Variants in SLC47A2 observed in about 807,000 individuals in gnomAD.
The protein encoded by SLC47A2 is multidrug and toxin extrusion protein 2.
Under a neutral mutation model 67.7 loss-of-function variants are expected in SLC47A2, and 52 were observed. The ratio of observed to expected loss-of-function variants is 0.77; its 90% CI spans 0.61 to 0.97. The LOEUF (loss-of-function observed/expected upper bound fraction) is 0.97. Ranked by LOEUF, SLC47A2 falls within the 50% of genes least tolerant of loss-of-function variation. SLC47A2 has a pLI of 0.00. For synonymous variants in SLC47A2, 278 were observed against 292.9 expected (o/e 0.95, Z 0.52); for missense variants, 676 against 712.3 (o/e 0.95, Z 0.58).
intron 13 of SLC47A2, among the ~76,000 whole-genome samples, chr17:19,699,073 A>G (rs2085729378): frequency 2.0e-5 from 3 of 152,290 alleles, no homozygotes; most frequent in African/African-American, 2.4e-5. Context: ...GAATGATTCT[A>G]TTGGTGAAAG....
In SLC47A2 at chr17:19,708,199, C is replaced by T. The variant is rs553177390; in HGVS notation, c.629+103G>A. The T allele has an allele frequency of 1.3e-4, 174 of 1,330,438 alleles. 1 individual carries two copies. The South Asian group carries it at 1.5e-3, about 12-fold the overall frequency. The allele number at this position is 1,330,438 out of a possible 1,614,324, so 82.4% of individuals were successfully genotyped here. On this transcript the variant is annotated intron_variant, in intron 7 of 16. Coordinates refer to ENST00000433844, the MANE Select transcript of SLC47A2 (RefSeq NM_001099646.3). ...CTCCCCATAACCCTCCACTTCAGGA[C>T]GGCACAGGCAGGGCCAGGATGGTGA...
intron 11 of SLC47A2, among the ~76,000 whole-genome samples, chr17:19,703,783 G>A (rs1025401148): frequency 5.3e-5 from 8 of 152,230 alleles, no homozygotes; most frequent in Admixed American, 4.6e-4. Flanking sequence ...TAAGGTAAGT[G>A]GTAGAAGCCA....
At chr17:19,714,489 G>C (rs1416270326) in intron 3 of SLC47A2, 2 of 597,004 alleles carry the variant, frequency 3.4e-6, no homozygotes, top group African/African-American at 3.7e-5. Flanking sequence ...AGAGATCAGA[G>C]AACTGTCTCC....
At position 19,702,499 on chromosome 17, in the gene SLC47A2, T is replaced by C. The variant is rs943617189; in HGVS notation, c.1164+106A>G. On this transcript the variant is annotated intron_variant, in intron 13 of 16. Coordinates refer to ENST00000433844, the MANE Select transcript of SLC47A2 (RefSeq NM_001099646.3). ...CACTTACTATACAGTTAGCCCTTCA[T>C]GTGTATTAACAAGTTCATCCTCACA... is the stretch of plus-strand genomic sequence containing the variant. 16 of 1,546,110 alleles carry C rather than the reference T, an allele frequency of 1.0e-5. No individual in the cohort carries two copies. The African/African-American group carries it at 2.0e-4, about 20-fold the overall frequency.
Position 19,708,282 on chromosome 17 carries a change from C to G in SLC47A2, c.629+20G>C. 5.0e-6 allele frequency: 8 copies of G among 1,611,676 alleles called. No individual in the cohort carries two copies. Among genetic ancestry groups the G allele is most frequent in the Non-Finnish European group, 6.8e-6 (8 of 1,179,828 alleles). ...GTGGGCAGTGTCCCCTGACCAGGCC[C>G]CACCAGCCCCCGGGCTCACCTGACC... On this transcript the variant is annotated intron_variant, in intron 7 of 16. Transcript: ENST00000433844.
chr17:19,680,145 C>G, intron 15 of SLC47A2, 106 bp from the exon 16 acceptor site: 1 of 1,039,654 alleles, frequency 9.6e-7, no homozygotes. Flanking sequence ...GCTGAAGCAG[C>G]ATATATGCAT....
At chr17:19,690,201 G>A (rs866014037) in intron 13 of SLC47A2, among the ~76,000 whole-genome samples, 12 of 152,090 alleles carry the variant, frequency 7.9e-5, no homozygotes, top group African/African-American at 2.9e-4. Flanking sequence ...ATAATGCCAG[G>A]AAAACTGGAT....
chr17:19,692,614 G>T (rs940431426), intron 13 of SLC47A2, among the ~76,000 whole-genome samples: 3 of 152,138 alleles, frequency 2.0e-5, no homozygotes, highest in African/African-American at 7.2e-5. Context: ...ATTTAAACAA[G>T]AAATAATGTC....
At chr17:19,690,542 C>T (rs1325879055) in intron 13 of SLC47A2, among the ~76,000 whole-genome samples, 1 of 151,856 alleles carries the variant, frequency 6.6e-6, no homozygotes, top group Non-Finnish European at 1.5e-5. Context: ...AGATTAATAA[C>T]CAGAATATAT....
intron 5 of SLC47A2, among the ~76,000 whole-genome samples, chr17:19,711,543 C>G (rs1172892773): frequency 8.3e-6 from 1 of 120,446 alleles, no homozygotes; most frequent in Non-Finnish European, 1.6e-5. Context: ...GAGCGGAGAT[C>G]GTACCACTGC....
rs1395881308 is a variant in SLC47A2 at position 19,702,683 on chromosome 17, G to GA, written c.1095-10dup. 2 of 1,613,620 alleles carry GA rather than the reference G, an allele frequency of 1.2e-6. No individual in the cohort carries two copies. Among genetic ancestry groups the GA allele is most frequent in the African/African-American group, 2.7e-5 (2 of 74,914 alleles). On this transcript the variant is annotated splice_polypyrimidine_tract_variant and intron_variant, in intron 12 of 16. Coordinates refer to ENST00000433844, the MANE Select transcript of SLC47A2 (RefSeq NM_001099646.3). ...CCAGGGCAATGACATCTCTGCAGAAGAAATGAGAAAGCATTAAGACACAGA... is the reference window on the plus strand; with the variant it reads ...CCAGGGCAATGACATCTCTGCAGAAGAAAATGAGAAAGCATTAAGACACAGA...
chr17:19,701,167 C>CA (rs35086555), intron 13 of SLC47A2, among the ~76,000 whole-genome samples: 8,340 of 64,358 alleles, frequency 0.13, 551 homozygotes, highest in African/African-American at 0.23. Context: ...GACTCTGTCT[C>CA]AAAAAAAAAA....
intron 13 of SLC47A2, among the ~76,000 whole-genome samples, chr17:19,684,411 T>C (rs556084180): frequency 2.0e-4 from 31 of 152,290 alleles, no homozygotes; most frequent in African/African-American, 7.5e-4. Context: ...ATTTATTAGA[T>C]GCAACTAAGG....
intron 13 of SLC47A2, among the ~76,000 whole-genome samples, chr17:19,693,162 G>C (rs1232582385): frequency 6.6e-6 from 1 of 151,928 alleles, no homozygotes; most frequent in Non-Finnish European, 1.5e-5. Flanking sequence ...GAAATGCAAG[G>C]TATAACACCT....
intron 8 of SLC47A2, 121 bp downstream of exon 8, chr17:19,707,625 G>T: frequency 2.5e-6 from 2 of 788,858 alleles, no homozygotes; most frequent in East Asian, 2.7e-5. Context: ...GGCCGTGCAG[G>T]GTCCTGCACC....
intron 13 of SLC47A2, among the ~76,000 whole-genome samples, chr17:19,690,381 T>A (rs958391545): frequency 6.6e-6 from 1 of 152,036 alleles, no homozygotes; most frequent in African/African-American, 2.4e-5. Context: ...TCTTGAATAA[T>A]ACCCCCAAAG....
intron 13 of SLC47A2, among the ~76,000 whole-genome samples, chr17:19,696,013 T>C (rs2085654948): frequency 6.6e-6 from 1 of 151,482 alleles, no homozygotes; most frequent in African/African-American, 2.4e-5. Flanking sequence ...TGTGAGCCAC[T>C]GTGTCTGGCC....
intron 10 of SLC47A2, chr17:19,704,714 G>A: frequency 1.3e-6 from 2 of 1,548,576 alleles, no homozygotes; most frequent in Non-Finnish European, 1.7e-6. Context: ...GTAGAGGGGA[G>A]GTGGGGGCTG....
At chr17:19,718,833 C>T (rs2086311637), upstream of SLC47A2, 1 of 152,264 alleles carries the variant, frequency 6.6e-6, no homozygotes, top group Non-Finnish European at 1.5e-5. Flanking sequence ...CCTCCATAGT[C>T]TCCTGGCAAT....
Sources: gnomAD v4.1 joint callset for allele counts (sites outside exome capture counted in the v4.1 genomes callset) on GRCh38, gnomAD v4.1.1 for gene constraint, MANE v1.5 for transcripts, NCBI Gene and HGNC (gene_info 2026-07-23, HGNC 2026-07-21) for gene names.